The following RGS6 variants were observed in gnomAD, a reference collection of about 807,000 sequenced individuals.
RGS6 encodes the protein regulator of G protein signaling 6.
A neutral mutation model predicts 78.5 loss-of-function variants in RGS6; 30 were observed. That is an observed-to-expected ratio of 0.38 (90% CI 0.29 to 0.52). The LOEUF (loss-of-function observed/expected upper bound fraction) is 0.52. Among genes scored for constraint, RGS6 ranks in the 20% least tolerant of loss-of-function variants. The pLI is 0.85. For missense variants in RGS6, 495 were observed against 609.7 expected (o/e 0.81, Z 1.98); for synonymous variants, 206 against 206.0 (o/e 1.00, Z 0.00).
chr14:72,475,197 T>C (rs2096205593), intron 10 of RGS6, among the ~76,000 whole-genome samples: 1 of 127,302 alleles, frequency 7.9e-6, no homozygotes, highest in Non-Finnish European at 1.6e-5. Flanking sequence ...GTCTTTTTTA[T>C]GGTTTTTTTT....
At chr14:71,967,006 T>C (rs1329462022) in intron 2 of RGS6, among the ~76,000 whole-genome samples, 3 of 151,608 alleles carry the variant, frequency 2.0e-5, no homozygotes, top group Non-Finnish European at 2.9e-5. Flanking sequence ...TTGTATTATG[T>C]TTACAGGAAA....
chr14:72,233,089 G>A (rs1423011901), intron 2 of RGS6, among the ~76,000 whole-genome samples: 2 of 152,174 alleles, frequency 1.3e-5, no homozygotes, highest in Non-Finnish European at 2.9e-5. Context: ...TATACCAGGT[G>A]TAACTGGCAG....
rs190833047 is a variant in RGS6, at chr14:72,047,818, C to A, written c.84+82943C>A. Among the ~76,000 whole-genome samples the A allele has an allele frequency of 2.6e-4, 40 of 151,958 alleles. 1 individual carries two copies. Among genetic ancestry groups the A allele is most frequent in the African/African-American group, 9.2e-4 (38 of 41,418 alleles). On this transcript the variant is annotated intron_variant, in intron 2 of 17. Coordinates refer to ENST00000553525, the MANE Select transcript of RGS6 (RefSeq NM_001204424.2). ...TCAGTTCACTGCAACCTCTGCCTCC[C>A]GAGTTCAAGTGATTCTCATGCCTCA... is the stretch of plus-strand genomic sequence containing the variant.
At chr14:72,227,315 G>A (rs1520330) in intron 2 of RGS6, among the ~76,000 whole-genome samples, 68,815 of 151,920 alleles carry the variant, frequency 0.45, 15,934 homozygotes, top group Middle Eastern at 0.61. Context: ...AGATCTCACC[G>A]TGTTGCCCAG....
chr14:72,397,618 G>T (rs891838152), intron 3 of RGS6, among the ~76,000 whole-genome samples: 1 of 152,160 alleles, frequency 6.6e-6, no homozygotes, highest in Non-Finnish European at 1.5e-5. Flanking sequence ...GGGCATCCCT[G>T]TCTTGTGCCC....
intron 2 of RGS6, among the ~76,000 whole-genome samples, chr14:72,029,641 G>A (rs141377683): frequency 2.3e-4 from 35 of 152,280 alleles, no homozygotes; most frequent in African/African-American, 7.7e-4. Context: ...GCTTATTAGC[G>A]GTAGGATGTG....
intron 3 of RGS6, among the ~76,000 whole-genome samples, chr14:72,414,548 T>A (rs2093663097): frequency 6.6e-6 from 1 of 152,250 alleles, no homozygotes; most frequent in Admixed American, 6.5e-5. Context: ...TTCTGAAGCC[T>A]CCTTCTCTCA....
At chr14:72,629,347 G>A in the RGS6 span, among the ~76,000 whole-genome samples, 1 of 152,124 alleles carries the variant, frequency 6.6e-6, no homozygotes, top group Non-Finnish European at 1.5e-5. Context: ...AATAAAAAAT[G>A]TTCTTGAAAA....
chr14:72,345,505 G>A (rs1178873369), intron 2 of RGS6, among the ~76,000 whole-genome samples: 2 of 152,188 alleles, frequency 1.3e-5, no homozygotes, highest in East Asian at 1.9e-4. Flanking sequence ...GCCTTTGAAT[G>A]GGATGATAAA....
intron 17 of RGS6, among the ~76,000 whole-genome samples, chr14:72,555,139 G>C (rs536670836): frequency 2.9e-4 from 44 of 152,148 alleles, no homozygotes; most frequent in Non-Finnish European, 8.8e-5. Context: ...TTAGAGTAAG[G>C]CCACCCTGCC....
chr14:72,609,650 G>A, the RGS6 span, among the ~76,000 whole-genome samples: 2 of 152,296 alleles, frequency 1.3e-5, no homozygotes, highest in South Asian at 2.1e-4. Context: ...AGAGGACAAG[G>A]GTGGCACACA....
At chr14:72,431,648 G>A (rs1035384020) in intron 3 of RGS6, among the ~76,000 whole-genome samples, 1 of 151,892 alleles carries the variant, frequency 6.6e-6, no homozygotes, top group African/African-American at 2.4e-5. Context: ...GACATATATT[G>A]TATGGTACTG....
At chr14:72,553,673 T>A (rs964077549) in intron 17 of RGS6, among the ~76,000 whole-genome samples, 2 of 152,094 alleles carry the variant, frequency 1.3e-5, no homozygotes, top group Non-Finnish European at 2.9e-5. Context: ...ACCCAGTAAC[T>A]CTCTTCTCCT....
chr14:72,339,553 G>A (rs2076608582), intron 2 of RGS6, among the ~76,000 whole-genome samples: 1 of 152,132 alleles, frequency 6.6e-6, no homozygotes, highest in African/African-American at 2.4e-5. Flanking sequence ...AAGACTAGGG[G>A]GTGCCTGGTC....
At chr14:72,518,308 G>A (rs1173205088) in intron 14 of RGS6, 43 bp from the exon 15 acceptor site, 1 of 1,584,008 alleles carries the variant, frequency 6.3e-7, no homozygotes, top group Non-Finnish European at 8.6e-7. Flanking sequence ...ACATCCCGAT[G>A]CTGAGCCCCC....
At chr14:72,271,477 T>G (rs2059925943) in intron 2 of RGS6, among the ~76,000 whole-genome samples, 2 of 152,166 alleles carry the variant, frequency 1.3e-5, no homozygotes, top group South Asian at 4.1e-4. Context: ...CAATTCAAGA[T>G]GAGATTTGGG....
chr14:72,237,311 G>T (rs529484330), intron 2 of RGS6, among the ~76,000 whole-genome samples: 1 of 152,102 alleles, frequency 6.6e-6, no homozygotes, highest in Non-Finnish European at 1.5e-5. Context: ...TGCTGTGCAT[G>T]TTCTTATGCA....
intron 2 of RGS6, among the ~76,000 whole-genome samples, chr14:72,232,899 C>T (rs566419005): frequency 1.3e-5 from 2 of 152,248 alleles, no homozygotes; most frequent in East Asian, 3.9e-4. Flanking sequence ...CTGAGGCTGG[C>T]GTGCATGCAG....
intron 2 of RGS6, among the ~76,000 whole-genome samples, chr14:72,077,781 G>A (rs1056751132): frequency 5.3e-5 from 8 of 152,078 alleles, no homozygotes; most frequent in African/African-American, 1.2e-4. Flanking sequence ...TAAACATCAC[G>A]TAAAGTTTCA....
Sources: gnomAD v4.1 joint callset for allele counts (sites outside exome capture counted in the v4.1 genomes callset) on GRCh38, gnomAD v4.1.1 for gene constraint, MANE v1.5 for transcripts, NCBI Gene and HGNC (gene_info 2026-07-23, HGNC 2026-07-21) for gene names.